The following TNFRSF19 variants were observed in gnomAD, a reference collection of about 807,000 sequenced individuals.
The protein encoded by TNFRSF19 is TNF receptor superfamily member 19, also known as tumor necrosis factor receptor superfamily member 19.
A neutral mutation model predicts 46.4 loss-of-function variants in TNFRSF19; 27 were observed. The ratio of observed to expected loss-of-function variants is 0.58; its 90% confidence interval spans 0.43 to 0.80. The LOEUF (loss-of-function observed/expected upper bound fraction) is 0.80. Among genes scored for constraint, TNFRSF19 ranks in the 30% least tolerant of loss-of-function variants. The pLI is 0.00. For synonymous variants in TNFRSF19, 204 were observed against 205.0 expected, an observed-to-expected ratio of 1.00 and a Z score of 0.04; for missense variants, 511 against 530.8, an observed-to-expected ratio of 0.96 and a Z score of 0.37.
At chr13:23,616,864 C>T (rs939913746) in intron 4 of TNFRSF19, among the ~76,000 whole-genome samples, 18 of 152,080 alleles carry the variant, frequency 1.2e-4, no homozygotes, top group African/African-American at 3.6e-4. Flanking sequence ...CAGGTGTGAG[C>T]CACCATGCCC....
At chr13:23,634,092 T>G (rs769216864) in intron 5 of TNFRSF19, among the ~76,000 whole-genome samples, 5 of 152,264 alleles carry the variant, frequency 3.3e-5, no homozygotes, top group Non-Finnish European at 7.3e-5. Flanking sequence ...ACATTGATTC[T>G]TGTCTCCCAA....
chr13:23,659,284 G>A lies in TNFRSF19; in HGVS notation c.610+70G>A. 1 of 1,511,496 alleles carries A rather than the reference G, an allele frequency of 6.6e-7. No individual in the cohort carries two copies. Among genetic ancestry groups the A allele is most frequent in the Non-Finnish European group, 9.0e-7 (1 of 1,117,230 alleles). The allele number at this position is 1,511,496 out of a possible 1,614,324, so 93.6% of individuals were successfully genotyped here. A position where few individuals can be genotyped will look rare whatever the true frequency, so the allele number is the denominator to read the frequency against. On this transcript the variant is annotated intron_variant, in intron 6 of 9. Coordinates refer to ENST00000248484, the MANE Select transcript of TNFRSF19 (RefSeq NM_148957.4). This position sits in a 1 kb window ranked among gnomAD's most constrained non-coding sequence, Gnocchi z 4.9. ...CATTTATTACTATTGTCGTGCAAGTGTTCCACAAGAGACTTGGCTGAGACA... is the reference window on the plus strand; with the variant it reads ...CATTTATTACTATTGTCGTGCAAGTATTCCACAAGAGACTTGGCTGAGACA...
chr13:23,660,401 C>A lies in TNFRSF19; in HGVS notation c.647C>A (p.Ser216Tyr). 6.2e-7 allele frequency: 1 copy of A among 1,614,008 alleles called. No homozygotes were observed. ...LRSQDIQYNG[S>Y]ELSCFDRPQL... ...TCACAGGACATTCAGTACAACGGCT[C>A]TGAGCTGTCGTGTTTTGACAGACCT... The change falls in exon 7 of 10, where the codon TCT becomes TAT. Residue 216 changes from serine (S) to tyrosine (Y), a missense_variant. By Grantham distance (144) the Ser-to-Tyr change is moderately radical. Coordinates refer to ENST00000248484, the MANE Select transcript of TNFRSF19 (RefSeq NM_148957.4).
intron 5 of TNFRSF19, among the ~76,000 whole-genome samples, chr13:23,658,632 T>C (rs1277654463): frequency 6.6e-6 from 1 of 152,188 alleles, no homozygotes; most frequent in Non-Finnish European, 1.5e-5. Context: ...AAAGCATACA[T>C]GCATTCAGTC....
intron 1 of TNFRSF19, among the ~76,000 whole-genome samples, chr13:23,576,157 C>T (rs1235800885): frequency 9.4e-5 from 14 of 149,476 alleles, no homozygotes; most frequent in Admixed American, 8.6e-4. Context: ...TTTTTGAGAC[C>T]GAGTCTTGCT....
intron 3 of TNFRSF19, among the ~76,000 whole-genome samples, chr13:23,596,375 T>C (rs1029907804): frequency 6.6e-6 from 1 of 152,122 alleles, no homozygotes; most frequent in Non-Finnish European, 1.5e-5. Flanking sequence ...AAGACACACA[T>C]AGGCTCAAAA....
chr13:23,660,524 T>A (rs1229089165), intron 7 of TNFRSF19, 34 bp downstream of exon 7: 2 of 1,605,912 alleles, frequency 1.2e-6, no homozygotes, highest in Admixed American at 3.4e-5. Context: ...TTAGGAGGAC[T>A]GGAGGTACAC....
At chr13:23,610,908 G>T (rs575729769) in intron 3 of TNFRSF19, among the ~76,000 whole-genome samples, 1 of 151,976 alleles carries the variant, frequency 6.6e-6, no homozygotes, top group African/African-American at 2.4e-5. Flanking sequence ...GAAGTACTGC[G>T]TACTTCCTTC....
chr13:23,577,957 G>T (rs1010228004), intron 1 of TNFRSF19, among the ~76,000 whole-genome samples: 1 of 152,192 alleles, frequency 6.6e-6, no homozygotes, highest in Non-Finnish European at 1.5e-5. Flanking sequence ...GGTCTGCATG[G>T]TGGTGAAGGA....
At chr13:23,651,840 C>A (rs369322651) in intron 5 of TNFRSF19, among the ~76,000 whole-genome samples, 1 of 35,986 alleles carries the variant, frequency 2.8e-5, no homozygotes, top group African/African-American at 1.2e-4. Flanking sequence ...ACACTATAGT[C>A]TTTTTTTTTT....
chr13:23,578,996 G>C (rs1285168365), intron 1 of TNFRSF19, among the ~76,000 whole-genome samples: 1 of 152,266 alleles, frequency 6.6e-6, no homozygotes, highest in African/African-American at 2.4e-5. Context: ...CCTGGCCGCC[G>C]TATCCCCTCT....
chr13:23,576,537 C>G (rs1459555059), intron 1 of TNFRSF19, among the ~76,000 whole-genome samples: 1 of 152,110 alleles, frequency 6.6e-6, no homozygotes, highest in Admixed American at 6.6e-5. Context: ...AAAGTGGGAA[C>G]TATAGTGTTT....
At chr13:23,645,170 T>C (rs1319197445) in intron 5 of TNFRSF19, among the ~76,000 whole-genome samples, 3 of 152,264 alleles carry the variant, frequency 2.0e-5, no homozygotes, top group Non-Finnish European at 4.4e-5. Context: ...ACTTGCTTTC[T>C]GTAACTAATC....
chr13:23,592,044 T>A (rs1226897978), intron 2 of TNFRSF19, among the ~76,000 whole-genome samples: 6 of 152,056 alleles, frequency 3.9e-5, no homozygotes, highest in African/African-American at 1.4e-4. Context: ...AATTTTCTAG[T>A]CTCAAACCTC....
intron 5 of TNFRSF19, among the ~76,000 whole-genome samples, chr13:23,637,553 G>A (rs9510792): frequency 0.21 from 31,257 of 152,082 alleles, 3,998 homozygotes; most frequent in Non-Finnish European, 0.3. Context: ...AATTAATACC[G>A]GTATCAATTC....
intron 4 of TNFRSF19, among the ~76,000 whole-genome samples, chr13:23,618,371 C>T (rs1367886966): frequency 6.6e-6 from 1 of 152,072 alleles, no homozygotes; most frequent in Non-Finnish European, 1.5e-5. Context: ...AAGAAATATA[C>T]AAATGTCCAA....
chr13:23,659,355 T>C lies in TNFRSF19; in HGVS notation c.610+141T>C. ...GAACGCAGGGCACAAGAAACACAGG[T>C]GATCCCTGAACAGCAGAGGGCTAGG... On this transcript the variant is annotated intron_variant, in intron 6 of 9. Transcript: ENST00000248484. This position sits in a 1 kb window ranked among gnomAD's most constrained non-coding sequence, Gnocchi z 4.9. The C allele has an allele frequency of 1.1e-6, 1 of 923,278 alleles. No homozygotes were observed. The highest frequency in any genetic ancestry group is 1.6e-6 in the Non-Finnish European group (1 of 624,464). The allele number at this position is 923,278 out of a possible 1,614,324, so 57.2% of individuals were successfully genotyped here.
At chr13:23,631,535 T>C (rs1882360724) in intron 5 of TNFRSF19, among the ~76,000 whole-genome samples, 1 of 152,246 alleles carries the variant, frequency 6.6e-6, no homozygotes, top group Non-Finnish European at 1.5e-5. Context: ...TCATGCCTTA[T>C]TCATGCACTA....
At chr13:23,617,066 T>TGAGATCTGAGCAAAGGC (rs1443328012) in intron 4 of TNFRSF19, among the ~76,000 whole-genome samples, 10 of 151,622 alleles carry the variant, frequency 6.6e-5, no homozygotes, top group African/African-American at 2.4e-4. Flanking sequence ...ATTGCAAAGG[T>TGAGATCTGAGCAAAGGC]GAGATCTGAG....
Sources: gnomAD v4.1 joint callset for allele counts (sites outside exome capture counted in the v4.1 genomes callset) on GRCh38, gnomAD v4.1.1 for gene constraint, Gnocchi (gnomAD v3.1) non-coding constraint, MANE v1.5 for transcripts, NCBI Gene and HGNC (gene_info 2026-07-23, HGNC 2026-07-21) for gene names.